SLC8A1: variants seen among roughly 807,000 people sequenced by gnomAD.
The protein encoded by SLC8A1 is sodium/calcium exchanger 1.
Under a neutral mutation model 68.3 loss-of-function variants are expected in SLC8A1, and 18 were observed. The observed-to-expected ratio is 0.26, with a 90% CI of 0.18 to 0.39. The LOEUF is 0.39. Among genes scored for constraint, SLC8A1 ranks in the 10% least tolerant of loss-of-function variants. The pLI, the probability that SLC8A1 is intolerant of heterozygous loss-of-function variation, is 1.00. For synonymous variants in SLC8A1, 475 were observed against 415.5 expected (o/e 1.14, Z -1.74); for missense variants, 985 against 1,156.7 (o/e 0.85, Z 2.15).
At chr2:40,370,258 G>C (rs2149506825) in intron 2 of SLC8A1, among the ~76,000 whole-genome samples, 1 of 152,260 alleles carries the variant, frequency 6.6e-6, no homozygotes, top group Non-Finnish European at 1.5e-5. Context: ...CAGTTGGTGA[G>C]TTCTGAGAGC....
intron 2 of SLC8A1, among the ~76,000 whole-genome samples, chr2:40,265,643 A>G (rs1414801116): frequency 1.3e-5 from 2 of 152,160 alleles, no homozygotes; most frequent in South Asian, 2.1e-4. Context: ...GTGGCTAACA[A>G]AATCAATTTT....
Position 40,428,450 on chromosome 2 carries a change from CACAT to C in SLC8A1, c.1808+19_1808+22del, listed in dbSNP as rs766045537. On this transcript the variant is annotated intron_variant, in intron 2 of 7. Coordinates refer to ENST00000406785, the Ensembl canonical transcript of SLC8A1. ...ACACACACACACACACACACACACA[CACAT>C]ATATAATATAGAACTTACACAATTT... 4.9e-5 allele frequency: 73 copies of C among 1,494,214 alleles called. No individual in the cohort carries two copies. The highest frequency in any genetic ancestry group is 4.8e-4 in the African/African-American group (32 of 66,760). 92.6% of individuals were successfully genotyped at this position (1,494,214 alleles called of 1,614,324 possible).
chr2:40,355,708 A>G (rs1672459430), intron 2 of SLC8A1, among the ~76,000 whole-genome samples: 1 of 152,128 alleles, frequency 6.6e-6, no homozygotes. Flanking sequence ...CATGCACGTA[A>G]CAAACACTGG....
intron 2 of SLC8A1, among the ~76,000 whole-genome samples, chr2:40,338,936 T>A (rs534460162): frequency 1.3e-5 from 2 of 152,292 alleles, no homozygotes; most frequent in East Asian, 3.9e-4. Context: ...AATTAGCATA[T>A]AATCTACCAG....
intron 7 of SLC8A1, among the ~76,000 whole-genome samples, chr2:40,127,930 T>C (rs186251078): frequency 6.6e-6 from 1 of 152,366 alleles, no homozygotes; most frequent in African/African-American, 2.4e-5. Context: ...TTAGTGTTTT[T>C]AGATCATGTG....
intron 4 of SLC8A1, among the ~76,000 whole-genome samples, chr2:40,166,700 C>T (rs2046606413): frequency 6.6e-6 from 1 of 152,204 alleles, no homozygotes; most frequent in Admixed American, 6.5e-5. Context: ...ACATGAAGTG[C>T]AATTTATCCA....
intron 2 of SLC8A1, among the ~76,000 whole-genome samples, chr2:40,316,042 T>C (rs2074402638): frequency 6.6e-6 from 1 of 152,052 alleles, no homozygotes; most frequent in South Asian, 2.1e-4. Flanking sequence ...AAAAACGTGA[T>C]ATGAAAGTCT....
chr2:40,359,252 T>G (rs1169137764), intron 2 of SLC8A1, among the ~76,000 whole-genome samples: 1 of 152,184 alleles, frequency 6.6e-6, no homozygotes, highest in Non-Finnish European at 1.5e-5. Context: ...ATCGATTACA[T>G]ACTGAAATGA....
intron 2 of SLC8A1, among the ~76,000 whole-genome samples, chr2:40,314,722 T>C (rs908244136): frequency 2.0e-5 from 3 of 152,060 alleles, no homozygotes; most frequent in African/African-American, 7.2e-5. Flanking sequence ...GCCCATCTTT[T>C]GGTCAGATTT....
At chr2:40,259,212 G>C (rs539429184) in intron 2 of SLC8A1, among the ~76,000 whole-genome samples, 33 of 152,210 alleles carry the variant, frequency 2.2e-4, no homozygotes, top group African/African-American at 7.2e-4. Flanking sequence ...GATATTCCTA[G>C]CTGATGTTCT....
At chr2:40,118,123 A>G (rs988864528) in intron 7 of SLC8A1, among the ~76,000 whole-genome samples, 6 of 152,314 alleles carry the variant, frequency 3.9e-5, no homozygotes, top group African/African-American at 1.2e-4. Context: ...CCCCTCTCAC[A>G]AGCATTATGG....
chr2:40,499,862 A>G (rs1705939957), intron 1 of SLC8A1, among the ~76,000 whole-genome samples: 1 of 152,116 alleles, frequency 6.6e-6, no homozygotes, highest in South Asian at 2.1e-4. Context: ...GCTGGAGGAT[A>G]AGGGCAGTGA....
At chr2:40,435,106 T>C (rs1051680325) in intron 1 of SLC8A1, among the ~76,000 whole-genome samples, 1 of 152,278 alleles carries the variant, frequency 6.6e-6, no homozygotes, top group East Asian at 1.9e-4. Flanking sequence ...CCTAATGGCA[T>C]CCTCTTGATT....
intron 1 of SLC8A1, among the ~76,000 whole-genome samples, chr2:40,486,948 A>G (rs1705008407): frequency 6.9e-6 from 1 of 145,406 alleles, no homozygotes; most frequent in South Asian, 2.2e-4. Flanking sequence ...AGGACAGAAA[A>G]TCAAACACTG....
At chr2:40,249,289 GT>G (rs1465718132) in intron 2 of SLC8A1, among the ~76,000 whole-genome samples, 1 of 152,040 alleles carries the variant, frequency 6.6e-6, no homozygotes, top group Non-Finnish European at 1.5e-5. Context: ...ATGCCTATCC[GT>G]TTTTGAGGTA....
chr2:40,323,302 C>A (rs1198656730), intron 2 of SLC8A1, among the ~76,000 whole-genome samples: 5 of 152,084 alleles, frequency 3.3e-5, no homozygotes, highest in African/African-American at 7.2e-5. Context: ...ATTTGATATA[C>A]AAATGGATGT....
intron 7 of SLC8A1, among the ~76,000 whole-genome samples, chr2:40,125,385 A>G (rs985942306): frequency 6.6e-6 from 1 of 152,146 alleles, no homozygotes; most frequent in Non-Finnish European, 1.5e-5. Flanking sequence ...AGTCCACAAT[A>G]TGGAACAAGA....
At chr2:40,485,977 T>C (rs1340231258) in intron 1 of SLC8A1, among the ~76,000 whole-genome samples, 3 of 152,232 alleles carry the variant, frequency 2.0e-5, no homozygotes, top group Non-Finnish European at 4.4e-5. Flanking sequence ...CACTCAAATG[T>C]CATCTTGAAT....
At chr2:40,482,440 G>A (rs1704689050) in intron 1 of SLC8A1, among the ~76,000 whole-genome samples, 2 of 152,118 alleles carry the variant, frequency 1.3e-5, no homozygotes, top group Non-Finnish European at 2.9e-5. Flanking sequence ...CCATGTGAAT[G>A]TACTGCTAGG....
Sources: gnomAD v4.1 joint callset for allele counts (sites outside exome capture counted in the v4.1 genomes callset) on GRCh38, gnomAD v4.1.1 for gene constraint, MANE v1.5 for transcripts, NCBI Gene and HGNC (gene_info 2026-07-23, HGNC 2026-07-21) for gene names.